Variants in DYRK4 observed in about 807,000 individuals in gnomAD.
DYRK4 encodes dual specificity tyrosine-phosphorylation-regulated kinase 4.
A neutral mutation model predicts 68.3 loss-of-function variants in DYRK4; 64 were observed. That is an observed-to-expected ratio of 0.94 (90% CI 0.77 to 1.15). DYRK4 has a LOEUF of 1.15. DYRK4 is among the 50% of genes most tolerant of loss of function. DYRK4 has a pLI of 0.00. For missense variants in DYRK4, 740 were observed against 764.7 expected, an observed-to-expected ratio of 0.97 and a Z score of 0.38; for synonymous variants, 274 against 289.9, an observed-to-expected ratio of 0.95 and a Z score of 0.56.
At chr12:4,610,327 A>G in intron 13 of DYRK4, 43 bp downstream of exon 13, 1 of 1,483,554 alleles carries the variant, frequency 6.7e-7, no homozygotes, top group Non-Finnish European at 8.9e-7. Context: ...TTCCTCTTAA[A>G]TGCTGTACTT....
intron 2 of DYRK4, among the ~76,000 whole-genome samples, chr12:4,585,059 C>T (rs1022667096): frequency 6.6e-6 from 1 of 152,162 alleles, no homozygotes; most frequent in Non-Finnish European, 1.5e-5. Flanking sequence ...ACCCCTCACC[C>T]GCCATCAGCC....
At position 4,588,910 on chromosome 12, in the gene DYRK4, G is replaced by A. The variant is rs928236482; in HGVS notation, c.133-27G>A. On this transcript the variant is annotated intron_variant, in intron 2 of 14. Coordinates refer to ENST00000543431, the MANE Select transcript of DYRK4 (RefSeq NM_001394779.1). The stretch of plus-strand genomic sequence containing the variant: ...GTGGGATAAAGCCATGCCAAGCATT[G>A]TTCCTATTTTCTTCCACTTGATCCA... 5 of 1,532,590 alleles carry A rather than the reference G, an allele frequency of 3.3e-6. No individual in the cohort carries two copies. In the African/African-American group the frequency reaches 5.5e-5, roughly 17 times the overall value. The allele number at this position is 1,532,590 out of a possible 1,614,324, so 94.9% of individuals were successfully genotyped here.
chr12:4,589,998 C>T (rs1944935181), intron 3 of DYRK4: 4 of 264,918 alleles, frequency 1.5e-5, no homozygotes, highest in African/African-American at 2.3e-5. Context: ...GACTCATTTA[C>T]CTCACAAAAG....
intron 12 of DYRK4, 98 bp from the exon 13 acceptor site, chr12:4,610,057 A>C: frequency 7.4e-6 from 8 of 1,082,518 alleles, no homozygotes; most frequent in Non-Finnish European, 1.0e-5. Flanking sequence ...TGTAAGACAG[A>C]GAGCAAAAGA....
At chr12:4,578,983 A>G (rs1008175645) in intron 2 of DYRK4, among the ~76,000 whole-genome samples, 1 of 152,206 alleles carries the variant, frequency 6.6e-6, no homozygotes, top group Non-Finnish European at 1.5e-5. Context: ...AGTGTGACAT[A>G]AACTGCAAAT....
At chr12:4,574,736 T>A (rs1410674381) in intron 2 of DYRK4, among the ~76,000 whole-genome samples, 1 of 152,218 alleles carries the variant, frequency 6.6e-6, no homozygotes, top group East Asian at 1.9e-4. Flanking sequence ...AAGTTTTTTT[T>A]AGACACAGTC....
chr12:4,569,981 T>A (rs554447661), intron 2 of DYRK4, among the ~76,000 whole-genome samples: 449 of 151,464 alleles, frequency 3.0e-3, no homozygotes, highest in Non-Finnish European at 3.8e-3. Flanking sequence ...GGTAGGAGGA[T>A]CACTTGAGCC....
intron 2 of DYRK4, among the ~76,000 whole-genome samples, chr12:4,581,261 G>A (rs1482776412): frequency 6.6e-6 from 1 of 152,126 alleles, no homozygotes; most frequent in Non-Finnish European, 1.5e-5. Flanking sequence ...CATGGGACTG[G>A]GAATTCCACC....
chr12:4,595,516 G>C (rs1945007314), intron 6 of DYRK4, among the ~76,000 whole-genome samples: 1 of 152,192 alleles, frequency 6.6e-6, no homozygotes, highest in South Asian at 2.1e-4. Flanking sequence ...AGCATAGGGA[G>C]AGACATGGGT....
intron 9 of DYRK4, among the ~76,000 whole-genome samples, 194 bp downstream of exon 9, chr12:4,599,360 A>G (rs1167579319): frequency 6.7e-6 from 1 of 149,130 alleles, no homozygotes; most frequent in Admixed American, 6.8e-5. Flanking sequence ...AAATTCAGTC[A>G]ATGGCATTTC....
intron 5 of DYRK4, 44 bp from the exon 6 acceptor site, chr12:4,592,958 A>G (rs751946437): frequency 6.3e-6 from 10 of 1,591,878 alleles, no homozygotes; most frequent in South Asian, 1.1e-5. Flanking sequence ...GGCAAATCCC[A>G]TGCTGCCTCA....
At chr12:4,606,293 G>GCTATCTGT (rs1945149265) in intron 11 of DYRK4, among the ~76,000 whole-genome samples, 1 of 151,034 alleles carries the variant, frequency 6.6e-6, no homozygotes, top group African/African-American at 2.4e-5. Context: ...TGGCTGGCTG[G>GCTATCTGT]CTATCTATCT....
At chr12:4,611,739 T>TA (rs1945223691) in intron 13 of DYRK4, among the ~76,000 whole-genome samples, 1 of 152,196 alleles carries the variant, frequency 6.6e-6, no homozygotes, top group Non-Finnish European at 1.5e-5. Flanking sequence ...GGACACCAGT[T>TA]AGACAACTGC....
chr12:4,606,312 A>G (rs1213921934), intron 11 of DYRK4, among the ~76,000 whole-genome samples: 1 of 152,096 alleles, frequency 6.6e-6, no homozygotes, highest in Non-Finnish European at 1.5e-5. Context: ...CTATCTATCT[A>G]TCTATCTATC....
Position 4,604,970 on chromosome 12 carries a change from C to A in DYRK4, c.1183C>A (p.Pro395Thr). 1 of 1,613,934 alleles carries A rather than the reference C, an allele frequency of 6.2e-7. No homozygotes were observed. The highest frequency in any genetic ancestry group is 1.1e-5 in the South Asian group (1 of 91,060). The part of the protein sequence containing the change: ...YRSPEVILGH[P>T]YDVAIDMWSL... ...ATCCCCAGAAGTGATCCTGGGCCAC[C>A]CCTACGACGTGGCCATTGACATGTG... The change falls in exon 11 of 15, where the codon CCC becomes ACC. Residue 395 changes from proline to threonine, a missense_variant. Around this residue, in one of 3 missense-constraint regions of DYRK4, gnomAD observed 614 missense variants for 603.7 expected, o/e 1.02. Coordinates refer to ENST00000543431, the MANE Select transcript of DYRK4 (RefSeq NM_001394779.1).
At position 4,590,416 on chromosome 12, in the gene DYRK4, G is replaced by T; in HGVS notation, c.300G>T (p.Leu100=). The change falls in exon 4 of 15, where the codon CTG becomes CTT. Residue 100 remains leucine (L), a synonymous_variant. Coordinates refer to ENST00000543431, the MANE Select transcript of DYRK4 (RefSeq NM_001394779.1). ...TCCCACACATTAGCAAGAAAGTCCTGCTGAAGTCATCCCTGCTGTATCAGG... is the reference window on the plus strand; with the variant it reads ...TCCCACACATTAGCAAGAAAGTCCTTCTGAAGTCATCCCTGCTGTATCAGG... The part of the protein sequence containing the change: ...VSFPHISKKV[L]LKSSLLYQEN... The T allele has an allele frequency of 6.5e-7, 1 of 1,535,996 alleles. No individual in the cohort carries two copies. The highest frequency in any genetic ancestry group is 8.7e-7 in the Non-Finnish European group (1 of 1,146,862).
At chr12:4,600,038 C>T (rs925560110) in intron 10 of DYRK4, among the ~76,000 whole-genome samples, 1 of 152,094 alleles carries the variant, frequency 6.6e-6, no homozygotes, top group Non-Finnish European at 1.5e-5. Context: ...AACAGTGAGC[C>T]CCAAAACTAA....
chr12:4,570,138 G>GTA (rs1944716515), intron 2 of DYRK4, among the ~76,000 whole-genome samples: 1 of 151,680 alleles, frequency 6.6e-6, no homozygotes, highest in Non-Finnish European at 1.5e-5. Flanking sequence ...CTACTTGGGA[G>GTA]CCTGAGGTAG....
chr12:4,593,970 G>T (rs866113101), intron 6 of DYRK4, among the ~76,000 whole-genome samples: 2 of 152,308 alleles, frequency 1.3e-5, no homozygotes, highest in Middle Eastern at 3.4e-3. Flanking sequence ...TAAAATGCAG[G>T]TTCTTATCCA....
Sources: gnomAD v4.1 joint callset for allele counts (sites outside exome capture counted in the v4.1 genomes callset) on GRCh38, gnomAD v4.1.1 for gene constraint, gnomAD v4.1.1 regional missense constraint, MANE v1.5 for transcripts, NCBI Gene and HGNC (gene_info 2026-07-23, HGNC 2026-07-21) for gene names.